The following GNG11 variants were observed in gnomAD, a reference collection of about 807,000 sequenced individuals.
The protein encoded by GNG11 is guanine nucleotide-binding protein G(I)/G(S)/G(O) subunit gamma-11.
In GNG11, 6 loss-of-function variants were observed where a neutral mutation model predicts 7.4. That is an observed-to-expected ratio of 0.81 (90% CI 0.44 to 1.60). The LOEUF (loss-of-function observed/expected upper bound fraction) is 1.60. GNG11 is among the 40% of genes most tolerant of loss of function. The pLI, the probability that GNG11 is intolerant of heterozygous loss-of-function variation, is 0.01. For missense variants in GNG11, 65 were observed against 83.0 expected (o/e 0.78, Z 0.84); for synonymous variants, 31 against 25.9 (o/e 1.20, Z -0.60).
At chr7:93,924,103 T>C (rs921644467) in intron 1 of GNG11, among the ~76,000 whole-genome samples, 4 of 152,176 alleles carry the variant, frequency 2.6e-5, no homozygotes, top group African/African-American at 9.7e-5. Context: ...GGGCAGGTAC[T>C]AAAACATTCT....
At chr7:93,926,041 A>G (rs780671020) in intron 1 of GNG11, 50 bp from the exon 2 acceptor site, 1 of 1,202,484 alleles carries the variant, frequency 8.3e-7, no homozygotes, top group Non-Finnish European at 1.1e-6. Flanking sequence ...GTAGGGACAA[A>G]GTTTAAACAA....
chr7:93,925,088 C>T (rs529492120), intron 1 of GNG11, among the ~76,000 whole-genome samples: 3,544 of 152,182 alleles, frequency 0.023, 126 homozygotes, highest in African/African-American at 0.08. Context: ...GGCTAGAATC[C>T]GGGAGGCGGA....
chr7:93,926,336 C>A lies in GNG11; in HGVS notation c.*120C>A. ...AATTAAAAGGAGACTTTCTTAAGCA[C>A]CATATAGATAGGGTTATGTATAAAA... On this transcript the variant is annotated 3_prime_UTR_variant, in exon 2 of 2. Coordinates refer to ENST00000248564, the MANE Select transcript of GNG11 (RefSeq NM_004126.4). 1 of 724,146 alleles carries A rather than the reference C, an allele frequency of 1.4e-6. No homozygotes were observed. Among genetic ancestry groups the A allele is most frequent in the Non-Finnish European group, 2.3e-6 (1 of 442,624 alleles). The allele number at this position is 724,146 out of a possible 1,614,324, so 44.9% of individuals were successfully genotyped here.
chr7:93,925,130 C>G (rs949699676), intron 1 of GNG11, among the ~76,000 whole-genome samples: 1 of 152,130 alleles, frequency 6.6e-6, no homozygotes, highest in Non-Finnish European at 1.5e-5. Flanking sequence ...TGCCACTGCA[C>G]TCCAGCCTGG....
intron 1 of GNG11, among the ~76,000 whole-genome samples, chr7:93,924,703 G>GTAT (rs1309542069): frequency 6.6e-6 from 1 of 152,174 alleles, no homozygotes; most frequent in Non-Finnish European, 1.5e-5. Context: ...TTTGCATGAT[G>GTAT]TATTAACAAA....
At chr7:93,925,568 C>T (rs1051386826) in intron 1 of GNG11, among the ~76,000 whole-genome samples, 5 of 152,144 alleles carry the variant, frequency 3.3e-5, no homozygotes, top group Admixed American at 1.3e-4. Context: ...TCTATCATTT[C>T]GTGAAATTTC....
At position 93,921,772 on chromosome 7, in the gene GNG11, T is replaced by C. The variant is rs1794612014; in HGVS notation, c.-366T>C. 6.0e-6 allele frequency: 1 copy of C among 167,656 alleles called. No homozygotes were observed. The highest frequency in any genetic ancestry group is 1.3e-5 in the Non-Finnish European group (1 of 78,696). 10.4% of individuals were successfully genotyped at this position (167,656 alleles called of 1,614,324 possible). On this transcript the variant is annotated 5_prime_UTR_variant, in exon 1 of 2. Transcript: ENST00000248564. ...CCAGCCCAGCCGTCCCCCGCGGGCG[T>C]GGCAGGTCCTGAGTCAGGGCCTGTC...
intron 1 of GNG11, among the ~76,000 whole-genome samples, chr7:93,925,024 C>T (rs1794658263): frequency 1.3e-5 from 2 of 152,028 alleles, no homozygotes; most frequent in Admixed American, 6.5e-5. Context: ...ATTAGCCAGG[C>T]GTGGTGGTGG....
intron 1 of GNG11, among the ~76,000 whole-genome samples, chr7:93,925,217 T>C (rs2115934082): frequency 6.6e-6 from 1 of 152,306 alleles, no homozygotes; most frequent in Non-Finnish European, 1.5e-5. Flanking sequence ...TCTGTAATTT[T>C]TACTTTAAAT....
rs1426100115 is a variant in GNG11 at position 93,928,609 on chromosome 7, C to G, written c.*2393C>G. ...TATTTGATTAAAAATAGTTATCATG[C>G]ATTGTGTAGTGAGACTTAGGTTCTA... On this transcript the variant is annotated 3_prime_UTR_variant, in exon 2 of 2. Coordinates refer to ENST00000248564, the MANE Select transcript of GNG11 (RefSeq NM_004126.4). 4 of 152,042 alleles carry G rather than the reference C, an allele frequency of 2.6e-5. No individual in the cohort carries two copies. The highest frequency in any genetic ancestry group is 4.4e-5 in the Non-Finnish European group (3 of 68,006). The allele number at this position is 152,042 out of a possible 1,614,324, so 9.4% of individuals were successfully genotyped here.
At position 93,928,029 on chromosome 7, in the gene GNG11, C is replaced by T. The variant is rs1794705321; in HGVS notation, c.*1813C>T. On this transcript the variant is annotated 3_prime_UTR_variant, in exon 2 of 2. Coordinates refer to ENST00000248564, the MANE Select transcript of GNG11 (RefSeq NM_004126.4). ...TTCTATTAGCTGTTTCATTTCTTTG[C>T]ACTTATAAAGTTTTCTTCTGTTGCC... is the stretch of plus-strand genomic sequence containing the variant. The T allele has an allele frequency of 6.6e-6, 1 of 152,168 alleles. No homozygotes were observed. Among genetic ancestry groups the T allele is most frequent in the Admixed American group, 6.5e-5 (1 of 15,274 alleles). 9.4% of individuals were successfully genotyped at this position (152,168 alleles called of 1,614,324 possible). A position where few individuals can be genotyped will look rare whatever the true frequency, so the allele number is the denominator to read the frequency against.
chr7:93,923,139 A>G (rs1010753467), intron 1 of GNG11, among the ~76,000 whole-genome samples: 7 of 152,222 alleles, frequency 4.6e-5, no homozygotes, highest in African/African-American at 1.7e-4. Context: ...GAAAATTTTG[A>G]ACTGATCTTA....
Position 93,922,124 on chromosome 7 carries a change from G to T in GNG11, c.-14G>T. 6.4e-7 allele frequency: 1 copy of T among 1,570,046 alleles called. No individual in the cohort carries two copies. Among genetic ancestry groups the T allele is most frequent in the Non-Finnish European group, 8.7e-7 (1 of 1,147,458 alleles). On this transcript the variant is annotated 5_prime_UTR_variant, in exon 1 of 2. Transcript: ENST00000248564. The stretch of plus-strand genomic sequence containing the variant: ...CGCTGCCAGAGCTAGCCCGAGCCCG[G>T]TTCTGGGGCGAAAATGCCTGCCCTT...
At position 93,928,476 on chromosome 7, in the gene GNG11, ATATT is replaced by A. The variant is rs1287325077; in HGVS notation, c.*2263_*2266del. 6.6e-6 allele frequency: 1 copy of A among 152,228 alleles called. No individual in the cohort carries two copies. Among genetic ancestry groups the A allele is most frequent in the Non-Finnish European group, 1.5e-5 (1 of 68,032 alleles). The allele number at this position is 152,228 out of a possible 1,614,324, so 9.4% of individuals were successfully genotyped here. A position where few individuals can be genotyped will look rare whatever the true frequency, so the allele number is the denominator to read the frequency against. On this transcript the variant is annotated 3_prime_UTR_variant, in exon 2 of 2. Transcript: ENST00000248564. ...AAAAAAGAAAAAATACATCCACTAT[ATATT>A]TAGATATATTGTAAATGTAACCTTT... is the stretch of plus-strand genomic sequence containing the variant.
At chr7:93,925,594 C>A (rs112476085) in intron 1 of GNG11, among the ~76,000 whole-genome samples, 2,898 of 152,246 alleles carry the variant, frequency 0.019, 97 homozygotes, top group African/African-American at 0.066. Flanking sequence ...ATGGCACACA[C>A]CCATAAGTGA....
intron 1 of GNG11, 143 bp from the exon 2 acceptor site, chr7:93,925,948 C>T (rs892610586): frequency 2.8e-5 from 7 of 253,614 alleles, no homozygotes; most frequent in African/African-American, 1.2e-4. Context: ...ATAATATATA[C>T]ACACACACAT....
chr7:93,926,383 G>A lies in GNG11; in HGVS notation c.*167G>A, dbSNP rs1794680071. 2.3e-6 allele frequency: 1 copy of A among 434,358 alleles called. No homozygotes were observed. The highest frequency in any genetic ancestry group is 4.1e-6 in the Non-Finnish European group (1 of 242,752). 26.9% of individuals were successfully genotyped at this position (434,358 alleles called of 1,614,324 possible). A position where few individuals can be genotyped will look rare whatever the true frequency, so the allele number is the denominator to read the frequency against. On this transcript the variant is annotated 3_prime_UTR_variant, in exon 2 of 2. Coordinates refer to ENST00000248564, the MANE Select transcript of GNG11 (RefSeq NM_004126.4). ...AAAAGCATATGTGCTACTCATCTTT[G>A]CTCACTATGCAGTCTTTTTTAAGAG...
Position 93,927,766 on chromosome 7 carries a change from C to T in GNG11, c.*1550C>T, listed in dbSNP as rs911623391. 6.6e-6 allele frequency: 1 copy of T among 152,150 alleles called. No individual in the cohort carries two copies. Among genetic ancestry groups the T allele is most frequent in the African/African-American group, 2.4e-5 (1 of 41,436 alleles). 9.4% of individuals were successfully genotyped at this position (152,150 alleles called of 1,614,324 possible). A position where few individuals can be genotyped will look rare whatever the true frequency, so the allele number is the denominator to read the frequency against. ...GACCAAAAGCAGAAACTATTTCCTT[C>T]AGTTTCCTGACACTGTCCAAGTGAT... is the stretch of plus-strand genomic sequence containing the variant. On this transcript the variant is annotated 3_prime_UTR_variant, in exon 2 of 2. Coordinates refer to ENST00000248564, the MANE Select transcript of GNG11 (RefSeq NM_004126.4).
In GNG11 at chr7:93,926,995, C is replaced by T. The variant is rs750069403; in HGVS notation, c.*779C>T. On this transcript the variant is annotated 3_prime_UTR_variant, in exon 2 of 2. Coordinates refer to ENST00000248564, the MANE Select transcript of GNG11 (RefSeq NM_004126.4). ...CAGAGCTACATCTCCCATGTGCTCTCCAGGTCTTGGGCATGGCACTACTCC... is the reference window on the plus strand; with the variant it reads ...CAGAGCTACATCTCCCATGTGCTCTTCAGGTCTTGGGCATGGCACTACTCC... The T allele has an allele frequency of 1.3e-5, 2 of 152,266 alleles. 1 individual carries two copies. Among genetic ancestry groups the T allele is most frequent in the Admixed American group, 1.3e-4 (2 of 15,278 alleles). 9.4% of individuals were successfully genotyped at this position (152,266 alleles called of 1,614,324 possible).
Sources: gnomAD v4.1 joint callset for allele counts (sites outside exome capture counted in the v4.1 genomes callset) on GRCh38, gnomAD v4.1.1 for gene constraint, MANE v1.5 for transcripts, NCBI Gene and HGNC (gene_info 2026-07-23, HGNC 2026-07-21) for gene names.